Variants in CXCL9 observed in about 807,000 individuals in gnomAD.
The protein encoded by CXCL9 is C-X-C motif chemokine ligand 9, also known as C-X-C motif chemokine 9.
A neutral mutation model predicts 11.7 loss-of-function variants in CXCL9; 8 were observed. The observed-to-expected ratio is 0.68, with a 90% CI of 0.40 to 1.23. The LOEUF is 1.23. Ranked by LOEUF, CXCL9 falls within the 50% of genes most tolerant of loss-of-function variation. The pLI is 0.01. For synonymous variants in CXCL9, 43 were observed against 48.2 expected, an observed-to-expected ratio of 0.89 and a Z score of 0.45; for missense variants, 133 against 141.7, an observed-to-expected ratio of 0.94 and a Z score of 0.31.
Position 76,003,614 on chromosome 4 carries a change from T to C in CXCL9, c.362A>G (p.Gln121Arg). The stretch of plus-strand genomic sequence containing the variant: ...AGTGGTCTCTTATGTAGTCTTCTTT[T>C]GACGAGAACGTTGAGATTTTCGAAC... ...LKVRKSQRSR[Q>R]KKTT The change falls in exon 4 of 4, where the codon CAA becomes CGA. Residue 121 changes from glutamine (Q) to arginine (R), a missense_variant. Gln to Arg is a conservative substitution (Grantham distance 43, BLOSUM62 1). Transcript: ENST00000264888. 6.3e-7 allele frequency: 1 copy of C among 1,599,494 alleles called. No individual in the cohort carries two copies. Among genetic ancestry groups the C allele is most frequent in the Non-Finnish European group, 8.6e-7 (1 of 1,167,664 alleles).
chr4:76,006,203 A>G lies in CXCL9; in HGVS notation c.136T>C (p.Leu46=), dbSNP rs2149342289. ...TNQGTIHLQS[L]KDLKQFAPSP... ...GGGGCAAATTGTTTAAGGTCTTTCA[A>G]GGATTGTAGGTGGATAGTCCCTTGG... Residue 46 remains leucine, a synonymous_variant, in exon 2 of 4, where the codon TTG becomes CTG. Transcript: ENST00000264888. 1 of 1,613,770 alleles carries G rather than the reference A, an allele frequency of 6.2e-7. No individual in the cohort carries two copies. The highest frequency in any genetic ancestry group is 8.5e-7 in the Non-Finnish European group (1 of 1,179,702).
chr4:76,002,217 A>G lies in CXCL9; in HGVS notation c.*1381T>C, dbSNP rs574382075. The G allele has an allele frequency of 8.5e-5, 34 of 397,734 alleles. No homozygotes were observed. Among genetic ancestry groups the G allele is most frequent in the African/African-American group, 6.6e-4 (32 of 48,692 alleles). 24.6% of individuals were successfully genotyped at this position (397,734 alleles called of 1,614,324 possible). A position where few individuals can be genotyped will look rare whatever the true frequency, so the allele number is the denominator to read the frequency against. ...AAAAGGAATTTTTGTATGGTTGGGA[A>G]AAGGTTGGTCACTGGCTGATCTATA... is the stretch of plus-strand genomic sequence containing the variant. On this transcript the variant is annotated 3_prime_UTR_variant, in exon 4 of 4. Coordinates refer to ENST00000264888, the MANE Select transcript of CXCL9 (RefSeq NM_002416.3).
intron 1 of CXCL9, 95 bp from the exon 2 acceptor site, chr4:76,006,369 T>C: frequency 8.0e-7 from 1 of 1,253,856 alleles, no homozygotes; most frequent in Admixed American, 2.2e-5. Flanking sequence ...GTCATGATTA[T>C]TGCTATCATT....
chr4:76,003,598 T>TTA lies in CXCL9; in HGVS notation c.376_377dup (p.Ter126TyrfsTer8). The TTA allele has an allele frequency of 6.4e-7, 1 of 1,550,778 alleles. No individual in the cohort carries two copies. Among genetic ancestry groups the TTA allele is most frequent in the Non-Finnish European group, 8.9e-7 (1 of 1,123,752 alleles). On this transcript the variant is annotated frameshift_variant and stop_lost, in exon 4 of 4. Coordinates refer to ENST00000264888, the MANE Select transcript of CXCL9 (RefSeq NM_002416.3). LOFTEE classifies it high-confidence loss of function. Reference sequence around the variant, plus strand: ...GAATACTTATTGGTGAAGTGGTCTCTTATGTAGTCTTCTTTTGACGAGAAC... The same window carrying TTA: ...GAATACTTATTGGTGAAGTGGTCTCTTATATGTAGTCTTCTTTTGACGAGAAC...
rs778361046 is a variant in CXCL9 at position 76,006,259 on chromosome 4, C to G, written c.80G>C (p.Arg27Thr). 9 of 1,613,678 alleles carry G rather than the reference C, an allele frequency of 5.6e-6. No individual in the cohort carries two copies. Among genetic ancestry groups the G allele is most frequent in the Admixed American group, 1.7e-5 (1 of 60,014 alleles). ...GCTGATGCAGGAACAGCGACCCTTT[C>G]TCACTACTGGGGTTCCTGAGGGAAA... ...LIGVQGTPVV[R>T]KGRCSCISTN... is the part of the protein sequence containing the mutation. Residue 27 changes from arginine to threonine, a missense_variant, in exon 2 of 4, where the codon AGA becomes ACA. By Grantham distance (71) the Arg-to-Thr change is moderately conservative. Transcript: ENST00000264888.
In CXCL9 at chr4:76,001,500, CTATTT is replaced by C. The variant is rs2149340992; in HGVS notation, c.*2093_*2097del. The stretch of plus-strand genomic sequence containing the variant: ...TAATGGTCTATTTATTGATACCATT[CTATTT>C]TAACAAAGAAAATATTTCAAATTAC... On this transcript the variant is annotated 3_prime_UTR_variant, in exon 4 of 4. Coordinates refer to ENST00000264888, the MANE Select transcript of CXCL9 (RefSeq NM_002416.3). 1 of 152,232 alleles carries C rather than the reference CTATTT, an allele frequency of 6.6e-6. No individual in the cohort carries two copies. The highest frequency in any genetic ancestry group is 2.4e-5 in the African/African-American group (1 of 41,536). 9.4% of individuals were successfully genotyped at this position (152,232 alleles called of 1,614,324 possible).
In CXCL9 at chr4:76,006,188, G is replaced by T; in HGVS notation, c.151C>A (p.Gln51Lys). ...TCGCAGGAAGGGCTTGGGGCAAATT[G>T]TTTAAGGTCTTTCAAGGATTGTAGG... ...IHLQSLKDLK[Q>K]FAPSPSCEKI... The change falls in exon 2 of 4, where the codon CAA becomes AAA. Residue 51 changes from glutamine to lysine, a missense_variant. Physicochemically the swap from Gln to Lys is moderately conservative, Grantham distance 53 (BLOSUM62 1). Transcript: ENST00000264888. 6.2e-7 allele frequency: 1 copy of T among 1,613,748 alleles called. No individual in the cohort carries two copies. The highest frequency in any genetic ancestry group is 1.1e-5 in the South Asian group (1 of 91,082).
At position 76,003,622 on chromosome 4, in the gene CXCL9, AC is replaced by A; in HGVS notation, c.353del (p.Arg118LeufsTer15). ...CTTATGTAGTCTTCTTTTGACGAGA[AC>A]GTTGAGATTTTCGAACTTTCAGAAC... Reference protein sequence around the residue: ...KKVLKVRKSQRSRQKKTT With the variant: ...KKVLKVRKSQXSRQKKTT On this transcript the variant is annotated frameshift_variant, in exon 4 of 4. Transcript: ENST00000264888. LOFTEE classifies it high-confidence loss of function. The A allele has an allele frequency of 6.2e-7, 1 of 1,607,116 alleles. No individual in the cohort carries two copies. The highest frequency in any genetic ancestry group is 1.7e-5 in the Admixed American group (1 of 59,926).
chr4:76,001,972 C>T lies in CXCL9; in HGVS notation c.*1626G>A. Reference sequence around the variant, plus strand: ...TAACTGGGCACCAATCATGCTTCCACTAACCGACTTGGCTGCTTCCTCTAG... The same window carrying T: ...TAACTGGGCACCAATCATGCTTCCATTAACCGACTTGGCTGCTTCCTCTAG... On this transcript the variant is annotated 3_prime_UTR_variant, in exon 4 of 4. Coordinates refer to ENST00000264888, the MANE Select transcript of CXCL9 (RefSeq NM_002416.3). 1 of 235,696 alleles carries T rather than the reference C, an allele frequency of 4.2e-6. No homozygotes were observed. The highest frequency in any genetic ancestry group is 8.1e-6 in the Non-Finnish European group (1 of 122,892). The allele number at this position is 235,696 out of a possible 1,614,324, so 14.6% of individuals were successfully genotyped here. A position where few individuals can be genotyped will look rare whatever the true frequency, so the allele number is the denominator to read the frequency against.
chr4:76,001,821 TCAG>T lies in CXCL9; in HGVS notation c.*1774_*1776del, dbSNP rs1731470739. The T allele has an allele frequency of 6.2e-6, 1 of 160,018 alleles. No individual in the cohort carries two copies. The highest frequency in any genetic ancestry group is 1.4e-5 in the Non-Finnish European group (1 of 73,316). The allele number at this position is 160,018 out of a possible 1,614,324, so 9.9% of individuals were successfully genotyped here. On this transcript the variant is annotated 3_prime_UTR_variant, in exon 4 of 4. Transcript: ENST00000264888. Reference sequence around the variant, plus strand: ...CTCCACCGGACAGCACTCTAAATCATCAGCAGTGTGAGCAGTGATTCAATTTGG... The same window carrying T: ...CTCCACCGGACAGCACTCTAAATCATCAGTGTGAGCAGTGATTCAATTTGG...
At chr4:76,006,967 T>G (rs1187807872) in intron 1 of CXCL9, among the ~76,000 whole-genome samples, 1 of 152,144 alleles carries the variant, frequency 6.6e-6, no homozygotes, top group African/African-American at 2.4e-5. Flanking sequence ...GAAACTGAGG[T>G]CTAGAAAGAT....
chr4:76,002,404 C>A lies in CXCL9; in HGVS notation c.*1194G>T. On this transcript the variant is annotated 3_prime_UTR_variant, in exon 4 of 4. Coordinates refer to ENST00000264888, the MANE Select transcript of CXCL9 (RefSeq NM_002416.3). Reference sequence around the variant, plus strand: ...ACAAGGATGTTGCATCATCCCTGGTCCCTGTAGTGAGTGTCCTGAAGATAA... The same window carrying A: ...ACAAGGATGTTGCATCATCCCTGGTACCTGTAGTGAGTGTCCTGAAGATAA... The A allele has an allele frequency of 2.5e-6, 1 of 398,464 alleles. No homozygotes were observed. Among genetic ancestry groups the A allele is most frequent in the South Asian group, 1.3e-4 (1 of 7,834 alleles). 24.7% of individuals were successfully genotyped at this position (398,464 alleles called of 1,614,324 possible). A position where few individuals can be genotyped will look rare whatever the true frequency, so the allele number is the denominator to read the frequency against.
chr4:76,007,416 T>A lies in CXCL9; in HGVS notation c.34A>T (p.Ile12Phe), dbSNP rs1186716566. 1 of 1,603,486 alleles carries A rather than the reference T, an allele frequency of 6.2e-7. No individual in the cohort carries two copies. The highest frequency in any genetic ancestry group is 8.5e-7 in the Non-Finnish European group (1 of 1,170,400). Residue 12 changes from isoleucine to phenylalanine, a missense_variant, in exon 1 of 4, where the codon ATC becomes TTC. Transcript: ENST00000264888. The stretch of plus-strand genomic sequence containing the variant: ...ACTCCAATCAGAACCAGCAAGATGA[T>A]GCCCAAGAGGAAAAGAACACCACTT... Reference protein sequence around the residue: ...KKSGVLFLLGIILLVLIGVQG... With the variant: ...KKSGVLFLLGFILLVLIGVQG...
chr4:76,004,906 T>G lies in CXCL9; in HGVS notation c.192-13A>C. ...CTTCAGTGTAGCACTGCCAAAGAAATAGCAATGAGATAGTTTTTTCTCATT... is the reference window on the plus strand; with the variant it reads ...CTTCAGTGTAGCACTGCCAAAGAAAGAGCAATGAGATAGTTTTTTCTCATT... On this transcript the variant is annotated splice_polypyrimidine_tract_variant and intron_variant, in intron 2 of 3. Transcript: ENST00000264888. The G allele has an allele frequency of 6.5e-7, 1 of 1,533,594 alleles. No individual in the cohort carries two copies. Among genetic ancestry groups the G allele is most frequent in the East Asian group, 2.4e-5 (1 of 41,950 alleles). The allele number at this position is 1,533,594 out of a possible 1,614,324, so 95.0% of individuals were successfully genotyped here. A position where few individuals can be genotyped will look rare whatever the true frequency, so the allele number is the denominator to read the frequency against.
chr4:76,004,622 C>T (rs952990055), intron 3 of CXCL9, among the ~76,000 whole-genome samples, 187 bp downstream of exon 3: 1 of 152,102 alleles, frequency 6.6e-6, no homozygotes, highest in Non-Finnish European at 1.5e-5. Context: ...CAGTGGGAGA[C>T]AGAGAGGGGA....
In CXCL9 at chr4:76,003,043, G is replaced by T. The variant is rs535163984; in HGVS notation, c.*555C>A. The T allele has an allele frequency of 6.6e-6, 1 of 152,470 alleles. No individual in the cohort carries two copies. Among genetic ancestry groups the T allele is most frequent in the Admixed American group, 6.5e-5 (1 of 15,304 alleles). 9.4% of individuals were successfully genotyped at this position (152,470 alleles called of 1,614,324 possible). On this transcript the variant is annotated 3_prime_UTR_variant, in exon 4 of 4. Transcript: ENST00000264888. ...AGGAGGCTCTGAAAGCCACACACTG[G>T]TGATCTCCAGTGGTGATACCCAATA...
In CXCL9 at chr4:76,001,401, T is replaced by G. The variant is rs973254207; in HGVS notation, c.*2197A>C. The G allele has an allele frequency of 1.3e-5, 2 of 152,180 alleles. No homozygotes were observed. Among genetic ancestry groups the G allele is most frequent in the African/African-American group, 4.8e-5 (2 of 41,448 alleles). 9.4% of individuals were successfully genotyped at this position (152,180 alleles called of 1,614,324 possible). A position where few individuals can be genotyped will look rare whatever the true frequency, so the allele number is the denominator to read the frequency against. Reference sequence around the variant, plus strand: ...AAGCTAAAAAGTAAATAAGGACATATAAGATTTACTATTAAACATTCAACA... The same window carrying G: ...AAGCTAAAAAGTAAATAAGGACATAGAAGATTTACTATTAAACATTCAACA... On this transcript the variant is annotated 3_prime_UTR_variant, in exon 4 of 4. Coordinates refer to ENST00000264888, the MANE Select transcript of CXCL9 (RefSeq NM_002416.3).
intron 1 of CXCL9, among the ~76,000 whole-genome samples, chr4:76,006,936 T>C (rs1489990473): frequency 6.6e-6 from 1 of 152,216 alleles, no homozygotes; most frequent in East Asian, 1.9e-4. Flanking sequence ...AACTACAAAG[T>C]TCTATTTTAC....
chr4:76,003,677 TTTTGC>T lies in CXCL9; in HGVS notation c.294_298del (p.Gln99GlufsTer55). On this transcript the variant is annotated frameshift_variant, in exon 4 of 4. Transcript: ENST00000264888. LOFTEE classifies it low-confidence loss of function (END_TRUNC). ...CTTTTTTTGATGTTTTTTCCCATTC[TTTTGC>T]TTTTTCTTTTGGCTGACCTGTGAGA... 6.2e-7 allele frequency: 1 copy of T among 1,610,650 alleles called. No homozygotes were observed. Among genetic ancestry groups the T allele is most frequent in the East Asian group, 2.2e-5 (1 of 44,852 alleles).
Sources: allele counts gnomAD v4.1 joint callset (sites outside exome capture counted in the v4.1 genomes callset), GRCh38; gene constraint gnomAD v4.1.1; transcripts MANE v1.5; gene names NCBI Gene and HGNC (gene_info 2026-07-23, HGNC 2026-07-21).